The following KCNK2 variants were observed in gnomAD, a reference collection of about 807,000 sequenced individuals.
KCNK2 encodes the protein potassium two pore domain channel subfamily K member 2, also known as potassium channel subfamily K member 2.
In KCNK2, 21 loss-of-function variants were observed where a neutral mutation model predicts 40.5. The observed-to-expected ratio is 0.52, with a 90% CI of 0.37 to 0.75. The LOEUF is 0.75. KCNK2 is among the 30% of genes least tolerant of loss of function. The probability of loss-of-function intolerance (pLI) is 0.00; values close to 1 mark genes in which losing one functional copy is unlikely to be tolerated. For missense variants in KCNK2, 399 were observed against 531.6 expected (o/e 0.75, Z 2.45); for synonymous variants, 191 against 202.2 (o/e 0.94, Z 0.47).
chr1:215,232,503 G>A (rs936088132), intron 6 of KCNK2, among the ~76,000 whole-genome samples: 2 of 152,058 alleles, frequency 1.3e-5, no homozygotes, highest in Non-Finnish European at 2.9e-5. Flanking sequence ...TGAGATTACA[G>A]AGTATGTGTA....
chr1:215,014,726 A>G (rs1373322483), intron 1 of KCNK2, among the ~76,000 whole-genome samples: 5 of 152,118 alleles, frequency 3.3e-5, no homozygotes, highest in Non-Finnish European at 7.4e-5. Context: ...GGTTTTACTT[A>G]TACAAGGAGA....
Position 215,167,456 on chromosome 1 carries a change from C to T in KCNK2, c.476-1743C>T, listed in dbSNP as rs1663497218. 4.6e-5 allele frequency among the ~76,000 whole-genome samples: 7 copies of T among 151,898 alleles called. No homozygotes were observed. In the South Asian group the frequency reaches 1.5e-3, roughly 32 times the overall value. On this transcript the variant is annotated intron_variant, in intron 3 of 6. Transcript: ENST00000444842. ...AGAGGTTTGCTGATCAAAAGAGGTA[C>T]TCTATGTACTTCTAGAAGTATATTT...
intron 1 of KCNK2, among the ~76,000 whole-genome samples, chr1:215,034,251 A>C (rs1657306030): frequency 6.6e-6 from 1 of 152,144 alleles, no homozygotes; most frequent in Non-Finnish European, 1.5e-5. Context: ...AAAATCTCTC[A>C]GTAATTCAAT....
At chr1:215,110,934 C>A (rs1322050578) in intron 2 of KCNK2, among the ~76,000 whole-genome samples, 2 of 152,114 alleles carry the variant, frequency 1.3e-5, no homozygotes, top group Non-Finnish European at 2.9e-5. Context: ...CATACAATGT[C>A]ATGTGTCCAT....
intron 3 of KCNK2, among the ~76,000 whole-genome samples, chr1:215,157,625 CT>C (rs1662991566): frequency 6.6e-6 from 1 of 152,130 alleles, no homozygotes; most frequent in Non-Finnish European, 1.5e-5. Context: ...AAATTTAATA[CT>C]TTTCTGCCCA....
intron 6 of KCNK2, among the ~76,000 whole-genome samples, chr1:215,202,699 A>G (rs1366293954): frequency 3.3e-5 from 5 of 152,218 alleles, no homozygotes; most frequent in Admixed American, 2.0e-4. Flanking sequence ...AATACATTGT[A>G]AGTTATTTCC....
chr1:215,048,508 T>C (rs370803150), intron 1 of KCNK2, among the ~76,000 whole-genome samples: 11 of 152,318 alleles, frequency 7.2e-5, no homozygotes, highest in African/African-American at 2.6e-4. Context: ...CTGAGAATCA[T>C]ACTTTAGCAA....
At chr1:215,059,968 A>G (rs1347033537) in intron 1 of KCNK2, among the ~76,000 whole-genome samples, 1 of 152,198 alleles carries the variant, frequency 6.6e-6, no homozygotes, top group Non-Finnish European at 1.5e-5. Context: ...ACAGATGGGC[A>G]TGGGGCTTCC....
chr1:215,189,072 A>T (rs1664562296), intron 5 of KCNK2, among the ~76,000 whole-genome samples: 1 of 152,208 alleles, frequency 6.6e-6, no homozygotes, highest in African/African-American at 2.4e-5. Flanking sequence ...ATACAGGAAA[A>T]TTCTGTAGAG....
At chr1:215,185,946 A>T (rs1322472159) in intron 5 of KCNK2, among the ~76,000 whole-genome samples, 2 of 152,206 alleles carry the variant, frequency 1.3e-5, no homozygotes. Flanking sequence ...TATATTTTGG[A>T]AAGTGATTTA....
chr1:215,090,188 A>G (rs531420921), intron 2 of KCNK2, among the ~76,000 whole-genome samples: 9 of 152,230 alleles, frequency 5.9e-5, no homozygotes, highest in East Asian at 1.9e-4. Context: ...GGCACTTACT[A>G]TGTGCAAGGC....
chr1:215,057,785 C>A (rs1658220088), intron 1 of KCNK2, among the ~76,000 whole-genome samples: 1 of 152,098 alleles, frequency 6.6e-6, no homozygotes, highest in Non-Finnish European at 1.5e-5. Flanking sequence ...GACCTGTTTG[C>A]ACATTTTGGC....
In KCNK2 at chr1:215,033,657, T is replaced by C. The variant is rs368291831; in HGVS notation, c.34+27702T>C. 3.9e-5 allele frequency among the ~76,000 whole-genome samples: 6 copies of C among 152,246 alleles called. No homozygotes were observed. In the East Asian group the frequency reaches 9.7e-4, roughly 25 times the overall value. On this transcript the variant is annotated intron_variant, in intron 1 of 6. Transcript: ENST00000391895. ...CCCCACCCCATTAGATGGGACAGGA[T>C]GGCTAGAGGACTGGAGTTGCTTATT... is the stretch of plus-strand genomic sequence containing the variant.
At chr1:215,057,483 T>C (rs1485162705) in intron 1 of KCNK2, among the ~76,000 whole-genome samples, 1 of 152,154 alleles carries the variant, frequency 6.6e-6, no homozygotes, top group Non-Finnish European at 1.5e-5. Flanking sequence ...GGTTTCTGCC[T>C]CAATCTGTAT....
intron 6 of KCNK2, among the ~76,000 whole-genome samples, chr1:215,228,039 G>C (rs1022057629): frequency 2.6e-5 from 4 of 152,142 alleles, no homozygotes; most frequent in African/African-American, 9.7e-5. Flanking sequence ...AAGTGAAGAG[G>C]CTTAATAAGC....
intron 6 of KCNK2, among the ~76,000 whole-genome samples, chr1:215,222,326 G>C (rs1666214837): frequency 6.6e-6 from 1 of 152,182 alleles, no homozygotes; most frequent in Non-Finnish European, 1.5e-5. Flanking sequence ...TAGCAGAGCA[G>C]TGAAGAGAAT....
At chr1:215,070,226 T>C (rs760485056) in intron 1 of KCNK2, among the ~76,000 whole-genome samples, 15 of 135,032 alleles carry the variant, frequency 1.1e-4, no homozygotes, top group South Asian at 2.7e-4. Context: ...CTGGCTAACA[T>C]GGTGAAACCC....
chr1:215,025,878 G>T (rs1656983544), intron 1 of KCNK2, among the ~76,000 whole-genome samples: 1 of 152,058 alleles, frequency 6.6e-6, no homozygotes, highest in Non-Finnish European at 1.5e-5. Context: ...GAAGGAGTGG[G>T]ATTGCTTGGT....
chr1:215,089,017 T>C (rs1222609823), intron 2 of KCNK2, among the ~76,000 whole-genome samples: 1 of 152,236 alleles, frequency 6.6e-6, no homozygotes, highest in Non-Finnish European at 1.5e-5. Context: ...AAAGAAATCA[T>C]TACAATGCCA....
Sources: gnomAD v4.1 joint callset for allele counts (sites outside exome capture counted in the v4.1 genomes callset) on GRCh38, gnomAD v4.1.1 for gene constraint, MANE v1.5 for transcripts, NCBI Gene and HGNC (gene_info 2026-07-23, HGNC 2026-07-21) for gene names.